The following CFTR variants were observed in gnomAD, a reference collection of about 807,000 sequenced individuals.
CFTR encodes the protein cystic fibrosis transmembrane conductance regulator.
CFTR carries 181 observed loss-of-function variants against 171.6 expected under a neutral mutation model. The observed-to-expected ratio is 1.05, with a 90% CI of 0.93 to 1.19. CFTR has a LOEUF of 1.19. Ranked by LOEUF, CFTR falls within the 50% of genes most tolerant of loss-of-function variation. The pLI is 0.00. For missense variants in CFTR, 1,968 were observed against 1,734.7 expected (o/e 1.13, Z -2.39); for synonymous variants, 583 against 608.0 (o/e 0.96, Z 0.60).
chr7:117,541,940 G>A lies in CFTR; in HGVS notation c.1117-76G>A. ...TCATATATAAGATGTAGCACAATGA[G>A]AGTATAAAGTAGATGTAATAATGCA... On this transcript the variant is annotated intron_variant, in intron 8 of 26. Transcript: ENST00000003084. 4 of 655,638 alleles carry A rather than the reference G, an allele frequency of 6.1e-6. No individual in the cohort carries two copies. The South Asian group carries it at 7.2e-5, about 12-fold the overall frequency. 40.6% of individuals were successfully genotyped at this position (655,638 alleles called of 1,614,324 possible). A position where few individuals can be genotyped will look rare whatever the true frequency, so the allele number is the denominator to read the frequency against.
chr7:117,561,875 G>A (rs1791503541), intron 11 of CFTR, among the ~76,000 whole-genome samples: 1 of 152,130 alleles, frequency 6.6e-6, no homozygotes, highest in Admixed American at 6.6e-5. Flanking sequence ...AGAGGCACAA[G>A]GCTAATGTCC....
intron 24 of CFTR, among the ~76,000 whole-genome samples, chr7:117,664,181 C>T (rs1214604196): frequency 1.3e-5 from 2 of 152,098 alleles, no homozygotes; most frequent in African/African-American, 4.8e-5. Flanking sequence ...ATCTTTTGTC[C>T]TCAGTCATGA....
intron 21 of CFTR, among the ~76,000 whole-genome samples, chr7:117,626,331 G>A (rs1019699930): frequency 6.6e-6 from 1 of 151,994 alleles, no homozygotes; most frequent in African/African-American, 2.4e-5. Context: ...CTTTTGATAA[G>A]GAAAAATAGA....
chr7:117,514,469 C>G (rs1375396861), intron 3 of CFTR, among the ~76,000 whole-genome samples: 2 of 152,138 alleles, frequency 1.3e-5, no homozygotes, highest in African/African-American at 4.8e-5. Flanking sequence ...TCATCCACGT[C>G]CCTGCAAAGG....
chr7:117,637,917 T>G (rs922104310), intron 22 of CFTR, among the ~76,000 whole-genome samples: 4 of 152,076 alleles, frequency 2.6e-5, no homozygotes, highest in Admixed American at 2.0e-4. Flanking sequence ...AAATGGTTAC[T>G]TTTCCCTTTT....
intron 24 of CFTR, among the ~76,000 whole-genome samples, chr7:117,663,210 A>G (rs1223401467): frequency 6.6e-6 from 1 of 152,204 alleles, no homozygotes; most frequent in Non-Finnish European, 1.5e-5. Context: ...GACTGAAACA[A>G]TAAAAAAGTT....
At position 117,665,512 on chromosome 7, in the gene CFTR, T is replaced by C. The variant is rs397508691; in HGVS notation, c.4190T>C (p.Val1397Ala). The change falls in exon 26 of 27, where the codon GTA (valine) becomes GCA (alanine). Residue 1397 changes from valine (V) to alanine (A), a missense_variant. By Grantham distance (64) the Val-to-Ala change is moderately conservative (BLOSUM62 0). Coordinates refer to ENST00000003084, the MANE Select transcript of CFTR (RefSeq NM_000492.4). Reference protein sequence around the residue: ...TLKQAFADCTVILCEHRIEAM... With the variant: ...TLKQAFADCTAILCEHRIEAM... ...AAACAAGCATTTGCTGATTGCACAG[T>C]AATTCTCTGTGAACACAGGATAGAA... 6.2e-7 allele frequency: 1 copy of C among 1,613,342 alleles called. No homozygotes were observed. Among genetic ancestry groups the C allele is most frequent in the African/African-American group, 1.3e-5 (1 of 74,896 alleles).
At chr7:117,569,603 G>C (rs1307912633) in intron 11 of CFTR, among the ~76,000 whole-genome samples, 2 of 152,188 alleles carry the variant, frequency 1.3e-5, no homozygotes, top group African/African-American at 4.8e-5. Context: ...AACAGTATGA[G>C]GGAGCCTGAG....
Position 117,534,353 on chromosome 7 carries a change from C to G in CFTR, c.567C>G (p.Asn189Lys). 6.4e-7 allele frequency: 1 copy of G among 1,556,272 alleles called. No homozygotes were observed. The highest frequency in any genetic ancestry group is 8.9e-7 in the Non-Finnish European group (1 of 1,128,038). The change falls in exon 5 of 27, where the codon AAC (asparagine) becomes AAG (lysine). Residue 189 changes from asparagine (N) to lysine (K), a missense_variant. Coordinates refer to ENST00000003084, the MANE Select transcript of CFTR (RefSeq NM_000492.4). ...TTAGTCTCCTTTCCAACAACCTGAA[C>G]AAATTTGATGAAGTATGTACCTATT... ...QLVSLLSNNLNKFDEGLALAH... is the reference protein window; with the variant it reads ...QLVSLLSNNLKKFDEGLALAH...
chr7:117,632,233 G>A (rs1230077262), intron 22 of CFTR, among the ~76,000 whole-genome samples: 1 of 152,110 alleles, frequency 6.6e-6, no homozygotes, highest in Admixed American at 6.6e-5. Context: ...CCATGCTGAT[G>A]CATTCTTGCC....
In CFTR at chr7:117,652,899, A is replaced by AAATAT; in HGVS notation, c.3931_3932insAATAT (p.Ser1311LysfsTer19). On this transcript the variant is annotated frameshift_variant, in exon 24 of 27. Transcript: ENST00000003084. LOFTEE classifies it high-confidence loss of function. Reference sequence around the variant, plus strand: ...AAACTTGGATCCCTATGAACAGTGGAGTGATCAAGAAATATGGAAAGTTGC... The same window carrying AAATAT: ...AAACTTGGATCCCTATGAACAGTGGAAATATGTGATCAAGAAATATGGAAAGTTGC... The AAATAT allele has an allele frequency of 6.2e-7, 1 of 1,606,118 alleles. No homozygotes were observed. The highest frequency in any genetic ancestry group is 8.5e-7 in the Non-Finnish European group (1 of 1,173,730).
chr7:117,573,058 T>TCTCTC (rs1791719352), intron 11 of CFTR, among the ~76,000 whole-genome samples: 1 of 87,774 alleles, frequency 1.1e-5, no homozygotes, highest in Admixed American at 1.2e-4. Context: ...CTCTCTCTCT[T>TCTCTC]GCTCTCTCTC....
chr7:117,590,447 C>T lies in CFTR; in HGVS notation c.1766+8C>T, dbSNP rs1474138131. ...AAAAGAAATATTTGAAAGGTATGTT[C>T]TTTGAATACCTTACTTATAATGCTC... On this transcript the variant is annotated splice_region_variant and intron_variant, in intron 13 of 26. Coordinates refer to ENST00000003084, the MANE Select transcript of CFTR (RefSeq NM_000492.4). 5.6e-6 allele frequency: 9 copies of T among 1,596,922 alleles called. No individual in the cohort carries two copies. The highest frequency in any genetic ancestry group is 7.7e-6 in the Non-Finnish European group (9 of 1,168,342).
At chr7:117,612,032 T>TATATATATATATATATAC (rs1792406679) in intron 20 of CFTR, among the ~76,000 whole-genome samples, 2 of 76,698 alleles carry the variant, frequency 2.6e-5, no homozygotes, top group African/African-American at 1.1e-4. Context: ...TGTATATATA[T>TATATATATATATATATAC]ATATATATAT....
At position 117,667,038 on chromosome 7, in the gene CFTR, G is replaced by GC; in HGVS notation, c.4374dup (p.Lys1459GlnfsTer3). On this transcript the variant is annotated frameshift_variant, in exon 27 of 27. Coordinates refer to ENST00000003084, the MANE Select transcript of CFTR (RefSeq NM_000492.4). LOFTEE classifies it high-confidence loss of function. The stretch of plus-strand genomic sequence containing the variant: ...TTTCCCCACCGGAACTCAAGCAAGT[G>GC]CAAGTCTAAGCCCCAGATTGCTGCT... 1 of 1,614,050 alleles carries GC rather than the reference G, an allele frequency of 6.2e-7. No homozygotes were observed. The highest frequency in any genetic ancestry group is 1.1e-5 in the South Asian group (1 of 91,076).
intron 15 of CFTR, among the ~76,000 whole-genome samples, chr7:117,601,415 C>T (rs1186449247): frequency 6.6e-6 from 1 of 152,004 alleles, no homozygotes; most frequent in Non-Finnish European, 1.5e-5. Context: ...GATTTTTCAT[C>T]GTTATACTAT....
chr7:117,530,625 AACTAT>A (rs1798843645), intron 3 of CFTR, among the ~76,000 whole-genome samples: 1 of 152,214 alleles, frequency 6.6e-6, no homozygotes, highest in Non-Finnish European at 1.5e-5. Context: ...CCATTTCAGA[AACTAT>A]ACTTTTTATT....
chr7:117,556,185 C>T (rs917760750), intron 10 of CFTR, among the ~76,000 whole-genome samples: 4 of 152,056 alleles, frequency 2.6e-5, no homozygotes, highest in African/African-American at 9.7e-5. Context: ...CTGCCTCACC[C>T]TCCCAAGTAG....
chr7:117,591,817 A>G, intron 13 of CFTR, 117 bp from the exon 14 acceptor site: 2 of 628,670 alleles, frequency 3.2e-6, no homozygotes, highest in South Asian at 2.8e-5. Flanking sequence ...TTAAAATATA[A>G]TAAAATTGTA....
Sources: gnomAD v4.1 joint callset for allele counts (sites outside exome capture counted in the v4.1 genomes callset) on GRCh38, gnomAD v4.1.1 for gene constraint, MANE v1.5 for transcripts, NCBI Gene and HGNC (gene_info 2026-07-23, HGNC 2026-07-21) for gene names.